Variants in CDIN1 observed in about 807,000 individuals in gnomAD.
CDIN1 encodes the protein CDAN1-interacting nuclease 1.
In CDIN1, 33 loss-of-function variants were observed where a neutral mutation model predicts 45.3. That is an observed-to-expected ratio of 0.73 (90% CI 0.55 to 0.97). The LOEUF (loss-of-function observed/expected upper bound fraction) is 0.97. Among genes scored for constraint, CDIN1 ranks in the 50% least tolerant of loss-of-function variants. CDIN1 has a pLI of 0.00. For missense variants in CDIN1, 303 were observed against 339.4 expected (o/e 0.89, Z 0.84); for synonymous variants, 118 against 124.4 (o/e 0.95, Z 0.34).
At chr15:36,619,596 A>G (rs1482747954) in intron 1 of CDIN1, among the ~76,000 whole-genome samples, 1 of 151,840 alleles carries the variant, frequency 6.6e-6, no homozygotes, top group Admixed American at 6.6e-5. Flanking sequence ...ATTTGCTGCC[A>G]GGAATCAATT....
At chr15:36,718,007 T>C (rs1026230557) in intron 10 of CDIN1, among the ~76,000 whole-genome samples, 6 of 131,490 alleles carry the variant, frequency 4.6e-5, no homozygotes, top group Non-Finnish European at 3.2e-5. Context: ...CTTTGCTTCA[T>C]TAGTTAATTG....
At chr15:36,803,726 C>T (rs1055319226) in intron 10 of CDIN1, among the ~76,000 whole-genome samples, 7 of 152,214 alleles carry the variant, frequency 4.6e-5, no homozygotes, top group African/African-American at 1.7e-4. Flanking sequence ...CATAAGAGCA[C>T]TCTCAAAATC....
At chr15:36,585,474 C>A (rs914441948) in intron 1 of CDIN1, among the ~76,000 whole-genome samples, 6 of 152,178 alleles carry the variant, frequency 3.9e-5, no homozygotes, top group African/African-American at 1.2e-4. Flanking sequence ...ATAGAATGTC[C>A]TTTCCTTTGT....
intron 1 of CDIN1, among the ~76,000 whole-genome samples, chr15:36,593,413 A>G (rs1308665661): frequency 1.3e-5 from 2 of 152,018 alleles, no homozygotes; most frequent in African/African-American, 4.8e-5. Flanking sequence ...TAGTAGCTTG[A>G]CTCCAGTAAA....
intron 1 of CDIN1, among the ~76,000 whole-genome samples, chr15:36,607,113 C>T (rs115054134): frequency 0.015 from 2,317 of 152,242 alleles, 60 homozygotes; most frequent in African/African-American, 0.053. Flanking sequence ...TTTTAAGTGT[C>T]ACTGGAAATC....
intron 10 of CDIN1, among the ~76,000 whole-genome samples, chr15:36,725,557 A>G (rs16963941): frequency 0.23 from 35,038 of 152,068 alleles, 4,191 homozygotes; most frequent in East Asian, 0.3. Flanking sequence ...TTACTTCTGA[A>G]GTGCAAGATT....
At chr15:36,743,047 AATAG>A (rs1434856077) in intron 10 of CDIN1, among the ~76,000 whole-genome samples, 4 of 152,230 alleles carry the variant, frequency 2.6e-5, no homozygotes, top group African/African-American at 9.6e-5. Context: ...GAAGTTTGAA[AATAG>A]ATAGTATATT....
At chr15:36,796,737 A>C (rs1270991050) in intron 10 of CDIN1, among the ~76,000 whole-genome samples, 1 of 152,184 alleles carries the variant, frequency 6.6e-6, no homozygotes, top group Non-Finnish European at 1.5e-5. Context: ...TTAACTCCCT[A>C]AACAGAGCAT....
chr15:36,781,312 A>G (rs1392747282), intron 10 of CDIN1, among the ~76,000 whole-genome samples: 4 of 152,182 alleles, frequency 2.6e-5, no homozygotes, highest in African/African-American at 7.2e-5. Flanking sequence ...AATAAAATTT[A>G]AAGATATTAG....
intron 1 of CDIN1, among the ~76,000 whole-genome samples, chr15:36,604,214 T>G (rs915460923): frequency 2.0e-5 from 3 of 152,026 alleles, no homozygotes; most frequent in Non-Finnish European, 4.4e-5. Context: ...AAATGCTAAA[T>G]TCAGTAGCAG....
chr15:36,706,549 G>T (rs2042871908), intron 8 of CDIN1: 1 of 151,700 alleles, frequency 6.6e-6, no homozygotes, highest in South Asian at 2.1e-4. Flanking sequence ...AGAGACGAAG[G>T]TTGCAGTGAG....
At chr15:36,692,060 A>C in intron 6 of CDIN1, 66 bp from the exon 7 acceptor site, 7 of 1,475,462 alleles carry the variant, frequency 4.7e-6, no homozygotes, top group East Asian at 2.3e-5. Flanking sequence ...TGCTTTTAGG[A>C]TATTGTTTAC....
chr15:36,748,216 C>G (rs1389944109), intron 10 of CDIN1, among the ~76,000 whole-genome samples: 1 of 152,210 alleles, frequency 6.6e-6, no homozygotes, highest in Admixed American at 6.5e-5. Context: ...CCACATAATA[C>G]ACATTTGACA....
chr15:36,680,419 G>T (rs2041809008), intron 5 of CDIN1, among the ~76,000 whole-genome samples: 1 of 152,108 alleles, frequency 6.6e-6, no homozygotes, highest in Non-Finnish European at 1.5e-5. Flanking sequence ...TCAACAACAC[G>T]GCAGAGTGAG....
rs2055330004 is a variant in CDIN1, at chr15:36,809,328, A to G, written c.*875A>G. Reference sequence around the variant, plus strand: ...TATGAGTCGAGTTTTTTAAAGGCACATTCTGTATACTGCTTAGTATATGCA... The same window carrying G: ...TATGAGTCGAGTTTTTTAAAGGCACGTTCTGTATACTGCTTAGTATATGCA... On this transcript the variant is annotated 3_prime_UTR_variant, in exon 11 of 11. Transcript: ENST00000566621. 1 of 189,578 alleles carries G rather than the reference A, an allele frequency of 5.3e-6. No homozygotes were observed. Among genetic ancestry groups the G allele is most frequent in the African/African-American group, 2.4e-5 (1 of 42,264 alleles). The allele number at this position is 189,578 out of a possible 1,614,324, so 11.7% of individuals were successfully genotyped here.
At chr15:36,662,816 A>T (rs1335446002) in intron 5 of CDIN1, among the ~76,000 whole-genome samples, 2 of 147,770 alleles carry the variant, frequency 1.4e-5, no homozygotes, top group Non-Finnish European at 3.0e-5. Flanking sequence ...AGTATCCCTT[A>T]TCTGAAATGT....
intron 2 of CDIN1, 140 bp from the exon 3 acceptor site, chr15:36,645,083 C>T (rs929741935): frequency 4.5e-6 from 3 of 663,188 alleles, no homozygotes; most frequent in Admixed American, 5.2e-5. Context: ...AGAAGTCCTG[C>T]CATCACCACA....
intron 10 of CDIN1, among the ~76,000 whole-genome samples, chr15:36,727,056 A>C (rs2043656908): frequency 6.6e-6 from 1 of 152,040 alleles, no homozygotes; most frequent in Non-Finnish European, 1.5e-5. Flanking sequence ...AATTTCTTTC[A>C]TTGTGGTGAG....
At chr15:36,741,131 G>C (rs1887071031) in intron 10 of CDIN1, among the ~76,000 whole-genome samples, 1 of 152,026 alleles carries the variant, frequency 6.6e-6, no homozygotes, top group Admixed American at 6.6e-5. Flanking sequence ...GATGGCCTGG[G>C]CTATCTCCTA....
Sources: gnomAD v4.1 joint callset for allele counts (sites outside exome capture counted in the v4.1 genomes callset) on GRCh38, gnomAD v4.1.1 for gene constraint, MANE v1.5 for transcripts, NCBI Gene and HGNC (gene_info 2026-07-23, HGNC 2026-07-21) for gene names.